Variants in ARFGEF1 observed in about 807,000 individuals in gnomAD.
ARFGEF1 encodes the protein ARF guanine nucleotide exchange factor 1, also known as brefeldin A-inhibited guanine nucleotide-exchange protein 1.
A neutral mutation model predicts 231.0 loss-of-function variants in ARFGEF1; 42 were observed. The ratio of observed to expected loss-of-function variants is 0.18; its 90% CI spans 0.14 to 0.24. ARFGEF1 has a LOEUF of 0.24. Ranked by LOEUF, ARFGEF1 falls within the 10% of genes least tolerant of loss-of-function variation. ARFGEF1 has a pLI of 1.00. For missense variants in ARFGEF1, 1,345 were observed against 2,192.0 expected, an observed-to-expected ratio of 0.61 and a Z score of 7.72; for synonymous variants, 710 against 732.3, an observed-to-expected ratio of 0.97 and a Z score of 0.49.
chr8:67,218,205 AAAATAT>A lies in ARFGEF1; in HGVS notation c.4339-73_4339-68del, dbSNP rs1391822107. 100 of 155,602 alleles carry A rather than the reference AAAATAT, an allele frequency of 6.4e-4. 1 individual carries two copies. The highest frequency in any genetic ancestry group is 2.2e-3 in the Admixed American group (18 of 8,058). The allele number at this position is 155,602 out of a possible 1,614,324, so 9.6% of individuals were successfully genotyped here. On this transcript the variant is annotated intron_variant, in intron 30 of 38. Coordinates refer to ENST00000262215, the MANE Select transcript of ARFGEF1 (RefSeq NM_006421.5). ...ACTACTATGATTAAAAAAAAAAAAAAAAATATATATATATATATATATATATATAAA... is the reference window on the plus strand; with the variant it reads ...ACTACTATGATTAAAAAAAAAAAAAAATATATATATATATATATATATAAA...
At chr8:67,174,180 G>T (rs1831070341), downstream of ARFGEF1, 1 of 151,980 alleles carries the variant, frequency 6.6e-6, no homozygotes, top group African/African-American at 2.4e-5. Flanking sequence ...TTGGTGGTTG[G>T]TATTGTTTTT....
At chr8:67,254,246 GT>G (rs1346949585) in intron 17 of ARFGEF1, among the ~76,000 whole-genome samples, 1 of 152,162 alleles carries the variant, frequency 6.6e-6, no homozygotes, top group Admixed American at 6.5e-5. Context: ...CTGTAAGACG[GT>G]AACCCCATTA....
chr8:67,242,723 C>T (rs1366008747), intron 19 of ARFGEF1, among the ~76,000 whole-genome samples: 2 of 152,138 alleles, frequency 1.3e-5, no homozygotes, highest in Non-Finnish European at 2.9e-5. Flanking sequence ...CTCTTGGAGA[C>T]CTTATTCCAG....
intron 1 of ARFGEF1, among the ~76,000 whole-genome samples, chr8:67,330,620 T>A (rs1413951002): frequency 2.0e-5 from 3 of 152,226 alleles, no homozygotes; most frequent in African/African-American, 7.2e-5. Flanking sequence ...AAACTCATTT[T>A]TGGACACTGG....
rs1007385511 is a variant in ARFGEF1 at position 67,290,790 on chromosome 8, T to C, written c.916+1057A>G. Among the ~76,000 whole-genome samples, 6 of 152,192 alleles carry C rather than the reference T, an allele frequency of 3.9e-5. No homozygotes were observed. The East Asian group carries it at 1.2e-3, about 29-fold the overall frequency. ...AGACAAATGTAAATCATTTAAGTGG[T>C]ATGGATTCACTATTAGCTTCAGTAC... On this transcript the variant is annotated intron_variant, in intron 6 of 38. Coordinates refer to ENST00000262215, the MANE Select transcript of ARFGEF1 (RefSeq NM_006421.5).
chr8:67,213,802 G>A lies in ARFGEF1; in HGVS notation c.4687-2187C>T, dbSNP rs572929882. 3.9e-5 allele frequency among the ~76,000 whole-genome samples: 6 copies of A among 152,328 alleles called. No homozygotes were observed. The South Asian group carries it at 1.2e-3, about 32-fold the overall frequency. On this transcript the variant is annotated intron_variant, in intron 33 of 38. Transcript: ENST00000262215. ...ATCCCGCCTGTGAACTGCAGCTTCA[G>A]CAGCAGCCCAAGGCTTTCCAGCCTG...
chr8:67,233,096 A>AC, intron 22 of ARFGEF1, 151 bp from the exon 23 acceptor site: 1 of 649,580 alleles, frequency 1.5e-6, no homozygotes. Flanking sequence ...AGTGACATGA[A>AC]CAAGGCCAAA....
intron 7 of ARFGEF1, among the ~76,000 whole-genome samples, chr8:67,282,793 A>C (rs1805589556): frequency 6.6e-6 from 1 of 151,708 alleles, no homozygotes; most frequent in African/African-American, 2.4e-5. Context: ...GTTTGCAGTG[A>C]GCCAAGATCT....
intron 33 of ARFGEF1, among the ~76,000 whole-genome samples, chr8:67,213,754 A>G (rs1380838344): frequency 4.6e-5 from 7 of 152,220 alleles, no homozygotes; most frequent in Admixed American, 4.6e-4. Flanking sequence ...AAACTGAGCA[A>G]AACAGGTTTT....
At chr8:67,333,577 G>T (rs1808205655) in intron 1 of ARFGEF1, among the ~76,000 whole-genome samples, 1 of 151,972 alleles carries the variant, frequency 6.6e-6, no homozygotes, top group Non-Finnish European at 1.5e-5. Context: ...GCCTCTTTAA[G>T]TGCTGGGATT....
chr8:67,329,064 A>G (rs895937316), intron 1 of ARFGEF1, among the ~76,000 whole-genome samples: 1 of 152,126 alleles, frequency 6.6e-6, no homozygotes, highest in Non-Finnish European at 1.5e-5. Flanking sequence ...CGTCTCTACT[A>G]AAAATACAAA....
chr8:67,194,984 T>TAA (rs536803405), downstream of ARFGEF1, among the ~76,000 whole-genome samples: 6 of 151,982 alleles, frequency 3.9e-5, no homozygotes, highest in Non-Finnish European at 8.8e-5. Context: ...TTAAAAAAAA[T>TAA]AAAAAGAAAA....
intron 5 of ARFGEF1, chr8:67,190,841 C>G: frequency 1.0e-6 from 1 of 978,358 alleles, no homozygotes; most frequent in Non-Finnish European, 1.6e-6. Context: ...TCTGTGTGGC[C>G]CAATAAAGAG....
chr8:67,243,512 A>G (rs1460201750), intron 19 of ARFGEF1, among the ~76,000 whole-genome samples: 2 of 152,166 alleles, frequency 1.3e-5, no homozygotes, highest in Non-Finnish European at 2.9e-5. Flanking sequence ...CCATGATTCA[A>G]TTACCTCCCA....
chr8:67,178,226 G>A (rs1360444714), intron 5 of ARFGEF1, among the ~76,000 whole-genome samples: 1 of 152,196 alleles, frequency 6.6e-6, no homozygotes. Flanking sequence ...ATGAGCAGTA[G>A]TGGGAGTAGG....
rs117300169 is a variant in ARFGEF1, at chr8:67,255,486, C to T, written c.2527-1864G>A. Among the ~76,000 whole-genome samples the T allele has an allele frequency of 4.4e-3, 676 of 152,144 alleles. 9 individuals are homozygous for T. The highest frequency in any genetic ancestry group is 0.015 in the African/African-American group (640 of 41,506). ...AAAAAGTAGCCTAACTATAAATATT[C>T]TGGGTGAAAAGGGAACATAAACAGC... On this transcript the variant is annotated intron_variant, in intron 17 of 38. Coordinates refer to ENST00000262215, the MANE Select transcript of ARFGEF1 (RefSeq NM_006421.5).
intron 18 of ARFGEF1, among the ~76,000 whole-genome samples, chr8:67,251,768 G>A (rs1053133918): frequency 2.6e-5 from 4 of 152,060 alleles, no homozygotes; most frequent in Non-Finnish European, 2.9e-5. Context: ...ACAACGTTAT[G>A]AATGTACTAA....
intron 5 of ARFGEF1, among the ~76,000 whole-genome samples, chr8:67,294,946 G>C (rs1389906079): frequency 6.6e-6 from 1 of 152,076 alleles, no homozygotes; most frequent in Non-Finnish European, 1.5e-5. Context: ...TTCAAAATGA[G>C]CCTGGAAAAT....
chr8:67,291,742 A>G, intron 6 of ARFGEF1, 105 bp downstream of exon 6: 1 of 1,417,984 alleles, frequency 7.1e-7, no homozygotes, highest in Non-Finnish European at 9.6e-7. Flanking sequence ...TGTGTCTGAC[A>G]CACTTATTAA....
Sources: allele counts gnomAD v4.1 joint callset (sites outside exome capture counted in the v4.1 genomes callset), GRCh38; gene constraint gnomAD v4.1.1; transcripts MANE v1.5; gene names NCBI Gene and HGNC (gene_info 2026-07-23, HGNC 2026-07-21).